The following FSTL5 variants were observed in gnomAD, a reference collection of about 807,000 sequenced individuals.
FSTL5 encodes the protein follistatin like 5, also known as follistatin-related protein 5.
In FSTL5, 62 loss-of-function variants were observed where a neutral mutation model predicts 89.1. The observed-to-expected ratio is 0.70, with a 90% CI of 0.57 to 0.86. The LOEUF (loss-of-function observed/expected upper bound fraction) is 0.86. Ranked by LOEUF, FSTL5 falls within the 40% of genes least tolerant of loss-of-function variation. FSTL5 has a pLI of 0.00. For synonymous variants in FSTL5, 383 were observed against 346.2 expected (o/e 1.11, Z -1.18); for missense variants, 1,057 against 1,001.6 (o/e 1.06, Z -0.75).
intron 4 of FSTL5, among the ~76,000 whole-genome samples, chr4:161,807,395 A>G (rs988741785): frequency 5.9e-5 from 9 of 152,264 alleles, no homozygotes; most frequent in Admixed American, 3.9e-4. Context: ...GTCATTGTGA[A>G]GTATGGGAGA....
chr4:161,460,609 T>A (rs1168910152), intron 13 of FSTL5, among the ~76,000 whole-genome samples: 1 of 152,160 alleles, frequency 6.6e-6, no homozygotes, highest in South Asian at 2.1e-4. Flanking sequence ...TGTTTTAAAT[T>A]AAATGTTAAC....
intron 4 of FSTL5, among the ~76,000 whole-genome samples, chr4:161,811,571 T>C (rs1038614413): frequency 6.6e-6 from 1 of 152,060 alleles, no homozygotes; most frequent in African/African-American, 2.4e-5. Flanking sequence ...GCATACAGTA[T>C]GTCTGAAAGC....
chr4:161,869,937 C>G (rs1159440257), intron 4 of FSTL5, among the ~76,000 whole-genome samples: 2 of 152,194 alleles, frequency 1.3e-5, no homozygotes, highest in African/African-American at 4.8e-5. Flanking sequence ...CTCTTTACCT[C>G]TCCTTTCCTC....
chr4:161,764,983 G>C (rs982950637), intron 5 of FSTL5, among the ~76,000 whole-genome samples: 1 of 152,124 alleles, frequency 6.6e-6, no homozygotes, highest in East Asian at 1.9e-4. Flanking sequence ...TTTGAGCTGG[G>C]CATATAACAA....
At chr4:161,552,183 G>T (rs551372272) in intron 8 of FSTL5, among the ~76,000 whole-genome samples, 5 of 151,934 alleles carry the variant, frequency 3.3e-5, no homozygotes, top group African/African-American at 1.2e-4. Flanking sequence ...AAAATATTTA[G>T]ACTAATCTGA....
At chr4:161,777,341 G>A (rs1313709278) in intron 4 of FSTL5, among the ~76,000 whole-genome samples, 1 of 150,974 alleles carries the variant, frequency 6.6e-6, no homozygotes, top group Non-Finnish European at 1.5e-5. Context: ...TTTGACTAGT[G>A]CTGTGATAAA....
intron 8 of FSTL5, among the ~76,000 whole-genome samples, chr4:161,549,731 T>A (rs1458448846): frequency 6.6e-6 from 1 of 151,988 alleles, no homozygotes; most frequent in African/African-American, 2.4e-5. Flanking sequence ...GCTCTCCGGT[T>A]AATGCATGTA....
At chr4:162,023,836 C>T (rs1737185169) in intron 3 of FSTL5, among the ~76,000 whole-genome samples, 1 of 152,110 alleles carries the variant, frequency 6.6e-6, no homozygotes, top group Non-Finnish European at 1.5e-5. Flanking sequence ...TTTCCCCTAC[C>T]TTCTGGCCTC....
intron 15 of FSTL5, among the ~76,000 whole-genome samples, chr4:161,429,589 C>T (rs1732282491): frequency 6.6e-6 from 1 of 152,174 alleles, no homozygotes; most frequent in East Asian, 1.9e-4. Flanking sequence ...TTCTTCAGGA[C>T]CTTATCTAAG....
At chr4:161,545,501 C>A (rs368898486) in intron 8 of FSTL5, among the ~76,000 whole-genome samples, 2 of 151,980 alleles carry the variant, frequency 1.3e-5, no homozygotes, top group African/African-American at 4.8e-5. Flanking sequence ...TTCTACCTTA[C>A]CAGACTCCAA....
intron 3 of FSTL5, among the ~76,000 whole-genome samples, chr4:161,927,274 C>T (rs1291679575): frequency 1.3e-5 from 2 of 151,572 alleles, no homozygotes; most frequent in African/African-American, 2.4e-5. Context: ...ATATTTCAGG[C>T]TTTGGAATAA....
chr4:162,121,164 A>C (rs948166391), intron 1 of FSTL5, among the ~76,000 whole-genome samples: 6 of 151,944 alleles, frequency 3.9e-5, no homozygotes, highest in Non-Finnish European at 5.9e-5. Flanking sequence ...AATTATAGCT[A>C]TACAGAGATG....
intron 4 of FSTL5, among the ~76,000 whole-genome samples, chr4:161,887,430 CT>C (rs1382913593): frequency 1.6e-3 from 220 of 137,504 alleles, no homozygotes; most frequent in African/African-American, 5.7e-3. Context: ...TATCTATCAT[CT>C]ATCTACCTAT....
At position 161,510,437 on chromosome 4, in the gene FSTL5, G is replaced by T. The variant is rs1730615104; in HGVS notation, c.1313-13C>A. ...AATATGTTAGCTACTGCAGCATGTT[G>T]AAAGAAAAAGAAGAAAAAGAAAAAT... On this transcript the variant is annotated splice_polypyrimidine_tract_variant and intron_variant, in intron 10 of 15. Coordinates refer to ENST00000306100, the MANE Select transcript of FSTL5 (RefSeq NM_020116.5). 2.7e-6 allele frequency: 4 copies of T among 1,498,506 alleles called. No homozygotes were observed. The highest frequency in any genetic ancestry group is 2.7e-6 in the Non-Finnish European group (3 of 1,113,990). 92.8% of individuals were successfully genotyped at this position (1,498,506 alleles called of 1,614,324 possible).
intron 8 of FSTL5, among the ~76,000 whole-genome samples, chr4:161,543,583 A>G (rs1324538765): frequency 2.6e-5 from 4 of 152,088 alleles, no homozygotes; most frequent in African/African-American, 9.6e-5. Context: ...AAAACATGCA[A>G]TGAAGTAATC....
At chr4:161,511,298 T>G (rs1039319193) in intron 10 of FSTL5, among the ~76,000 whole-genome samples, 24 of 152,152 alleles carry the variant, frequency 1.6e-4, no homozygotes, top group Non-Finnish European at 2.9e-5. Context: ...GAGCCAAGAA[T>G]GAAGTCTAGC....
At chr4:162,055,830 C>T (rs1226007467) in intron 2 of FSTL5, among the ~76,000 whole-genome samples, 3 of 151,738 alleles carry the variant, frequency 2.0e-5, no homozygotes, top group African/African-American at 4.8e-5. Flanking sequence ...ACAAATGTGG[C>T]ACTGCAAGTC....
intron 15 of FSTL5, among the ~76,000 whole-genome samples, chr4:161,398,488 A>G (rs1464569818): frequency 6.6e-6 from 1 of 152,108 alleles, no homozygotes; most frequent in African/African-American, 2.4e-5. Flanking sequence ...CCATCGTCCT[A>G]AAGAGAAAGA....
chr4:161,854,145 G>A (rs2126883688), intron 4 of FSTL5, among the ~76,000 whole-genome samples: 1 of 152,170 alleles, frequency 6.6e-6, no homozygotes, highest in East Asian at 1.9e-4. Context: ...TGGCCAGGAG[G>A]AACAGGGAAA....
Sources: allele counts gnomAD v4.1 joint callset (sites outside exome capture counted in the v4.1 genomes callset), GRCh38; gene constraint gnomAD v4.1.1; transcripts MANE v1.5; gene names NCBI Gene and HGNC (gene_info 2026-07-23, HGNC 2026-07-21).